Variants in CHD6 observed in about 807,000 individuals in gnomAD.
The protein encoded by CHD6 is ATP-dependent chromatin remodeler CHD6.
In CHD6, 50 loss-of-function variants were observed where a neutral mutation model predicts 276.9. The observed-to-expected ratio is 0.18, with a 90% CI of 0.14 to 0.23. The LOEUF (loss-of-function observed/expected upper bound fraction) is 0.23, where lower values mean the gene tolerates loss of function less well. CHD6 is among the 10% of genes least tolerant of loss of function. The pLI, the probability that CHD6 is intolerant of heterozygous loss-of-function variation, is 1.00. For synonymous variants in CHD6, 1,173 were observed against 1,229.3 expected (o/e 0.95, Z 0.96); for missense variants, 2,564 against 3,365.8 (o/e 0.76, Z 5.89).
intron 19 of CHD6, 46 bp from the exon 20 acceptor site, chr20:41,454,782 AAACT>A (rs1223815540): frequency 7.9e-7 from 1 of 1,266,494 alleles, no homozygotes; most frequent in African/African-American, 1.5e-5. Flanking sequence ...AACACAATAC[AAACT>A]AATAAAACAC....
Position 41,451,915 on chromosome 20 carries a change from T to A in CHD6, c.3434A>T (p.Tyr1145Phe), listed in dbSNP as rs758375837. The change falls in exon 22 of 37, where the codon TAT becomes TTT. Residue 1145 changes from tyrosine (Y) to phenylalanine (F), a missense_variant. Transcript: ENST00000373233. ...RALLVYCVKH[Y>F]KGDEKIKSFI... ...ACTCTTGATCTTCTCGTCCCCCTTA[T>A]AATGCTTGACACAGTACACCAGGAG... The A allele has an allele frequency of 6.2e-7, 1 of 1,614,120 alleles. No homozygotes were observed. The highest frequency in any genetic ancestry group is 1.1e-5 in the South Asian group (1 of 91,080).
intron 1 of CHD6, among the ~76,000 whole-genome samples, chr20:41,602,519 A>C (rs747926074): frequency 3.3e-5 from 5 of 152,204 alleles, no homozygotes; most frequent in Non-Finnish European, 7.3e-5. Context: ...CAGTGAGCAC[A>C]GTGGTTCAAG....
intron 17 of CHD6, among the ~76,000 whole-genome samples, chr20:41,458,657 C>T (rs1600909359): frequency 6.6e-6 from 1 of 152,230 alleles, no homozygotes; most frequent in East Asian, 1.9e-4. Flanking sequence ...TATGTTATAT[C>T]AAAGACTGGT....
In CHD6 at chr20:41,514,928, C is replaced by T; in HGVS notation, c.579G>A (p.Val193=). 2 of 1,613,990 alleles carry T rather than the reference C, an allele frequency of 1.2e-6. No individual in the cohort carries two copies. Among genetic ancestry groups the T allele is most frequent in the Non-Finnish European group, 1.7e-6 (2 of 1,179,920 alleles). ...KASKEQGPTP[V]EKKKKGKRKS... ...TCCTTTTTCCTTTCTTCTTTTTCTC[C>T]ACTGGGGTTGGTCCTTGCTCCTTGC... is the stretch of plus-strand genomic sequence containing the variant. The change falls in exon 4 of 37, where the codon GTG becomes GTA. Residue 193 remains valine, a synonymous_variant. Transcript: ENST00000373233.
intron 11 of CHD6, 136 bp from the exon 12 acceptor site, chr20:41,490,157 T>C: frequency 3.9e-6 from 3 of 776,352 alleles, no homozygotes; most frequent in Non-Finnish European, 2.1e-6. Flanking sequence ...CATATTAAAC[T>C]GAGGTTAGTT....
chr20:41,603,781 C>A (rs2045797992), intron 1 of CHD6, among the ~76,000 whole-genome samples: 1 of 151,942 alleles, frequency 6.6e-6, no homozygotes, highest in African/African-American at 2.4e-5. Context: ...GCAGGAGAAT[C>A]ACTTGAACCC....
intron 2 of CHD6, among the ~76,000 whole-genome samples, chr20:41,544,853 G>GTA (rs2045010746): frequency 4.6e-5 from 7 of 151,686 alleles, no homozygotes; most frequent in Admixed American, 4.6e-4. Context: ...AGTTAAAATT[G>GTA]TGTCAACTTA....
intron 1 of CHD6, among the ~76,000 whole-genome samples, chr20:41,604,572 G>A (rs2045807995): frequency 6.6e-6 from 1 of 152,134 alleles, no homozygotes; most frequent in Admixed American, 6.5e-5. Context: ...CTAAGCATGT[G>A]GGTGACTCAA....
intron 33 of CHD6, 62 bp downstream of exon 33, chr20:41,416,526 C>CA (rs1376299340): frequency 6.8e-7 from 1 of 1,467,678 alleles, no homozygotes; most frequent in Non-Finnish European, 9.3e-7. Flanking sequence ...ATGAACTCAA[C>CA]AGAGACGTGG....
Position 41,405,480 on chromosome 20 carries a change from G to A in CHD6, c.7261C>T (p.Pro2421Ser), listed in dbSNP as rs1465644381. The A allele has an allele frequency of 1.2e-5, 19 of 1,548,802 alleles. No homozygotes were observed. Among genetic ancestry groups the A allele is most frequent in the Non-Finnish European group, 1.7e-5 (19 of 1,149,800 alleles). ...AGAGTGTGATTGAACTTGTTTTCTG[G>A]AAGAAACCCCTGGAAAAACAAAGAA... Reference protein sequence around the residue: ...PKEPGLRGFLPENKFNHTLAE... With the variant: ...PKEPGLRGFLSENKFNHTLAE... Residue 2421 changes from proline to serine, a missense_variant, in exon 37 of 37, where the codon CCA becomes TCA. This residue lies in a region of CHD6 where 1,024 missense variants were observed against 1,047.9 expected (regional missense o/e 0.98). Coordinates refer to ENST00000373233, the MANE Select transcript of CHD6 (RefSeq NM_032221.5).
chr20:41,525,236 T>C (rs1156801931), intron 3 of CHD6, among the ~76,000 whole-genome samples: 2 of 152,210 alleles, frequency 1.3e-5, no homozygotes, highest in Admixed American at 6.5e-5. Flanking sequence ...GCCCCCTTCC[T>C]GTGGGTGTCA....
At chr20:41,491,220 C>G (rs1484562843) in intron 11 of CHD6, among the ~76,000 whole-genome samples, 1 of 151,560 alleles carries the variant, frequency 6.6e-6, no homozygotes, top group African/African-American at 2.4e-5. Flanking sequence ...TTTTAAAAAA[C>G]TTTTTGACTC....
chr20:41,593,909 T>C (rs918816942), intron 1 of CHD6, among the ~76,000 whole-genome samples: 2 of 152,054 alleles, frequency 1.3e-5, no homozygotes, highest in Admixed American at 6.6e-5. Flanking sequence ...TGTGAGAACG[T>C]AATTTCTATT....
intron 1 of CHD6, among the ~76,000 whole-genome samples, chr20:41,567,629 A>C (rs2045371859): frequency 6.6e-6 from 1 of 151,874 alleles, no homozygotes; most frequent in African/African-American, 2.4e-5. Context: ...GGGGGTGAGC[A>C]TTTGGTACCA....
intron 2 of CHD6, among the ~76,000 whole-genome samples, chr20:41,549,695 T>TA (rs1437751578): frequency 6.6e-6 from 1 of 152,010 alleles, no homozygotes; most frequent in Non-Finnish European, 1.5e-5. Flanking sequence ...AAAAAAAGCT[T>TA]ATCTTAAAGG....
chr20:41,590,503 T>A (rs1029352472), intron 1 of CHD6, among the ~76,000 whole-genome samples: 3 of 151,952 alleles, frequency 2.0e-5, no homozygotes, highest in East Asian at 1.9e-4. Flanking sequence ...CAAAGAACTC[T>A]AACAAATTTA....
chr20:41,444,783 CT>C (rs2048013488), intron 25 of CHD6, among the ~76,000 whole-genome samples: 1 of 152,088 alleles, frequency 6.6e-6, no homozygotes, highest in African/African-American at 2.4e-5. Flanking sequence ...TAAACAACCC[CT>C]AGGTAGGCTG....
chr20:41,602,382 G>A (rs1402215698), intron 1 of CHD6, among the ~76,000 whole-genome samples: 1 of 152,164 alleles, frequency 6.6e-6, no homozygotes, highest in Non-Finnish European at 1.5e-5. Flanking sequence ...TATGAGGCAA[G>A]CCCCTTGGTT....
At chr20:41,411,107 C>T (rs547738117) in intron 36 of CHD6, among the ~76,000 whole-genome samples, 1 of 152,204 alleles carries the variant, frequency 6.6e-6, no homozygotes, top group Admixed American at 6.5e-5. Flanking sequence ...GCTTCTCCAA[C>T]GTGACAAACT....
Sources: allele counts gnomAD v4.1 joint callset (sites outside exome capture counted in the v4.1 genomes callset), GRCh38; gene constraint gnomAD v4.1.1; regional missense constraint gnomAD v4.1.1; transcripts MANE v1.5; gene names NCBI Gene and HGNC (gene_info 2026-07-23, HGNC 2026-07-21).